The following SLC1A2 variants were observed in gnomAD, a reference collection of about 807,000 sequenced individuals.
The protein encoded by SLC1A2 is solute carrier family 1 member 2.
SLC1A2 carries 15 observed loss-of-function variants against 48.8 expected under a neutral mutation model. The ratio of observed to expected loss-of-function variants is 0.31; its 90% CI spans 0.21 to 0.47. SLC1A2 has a LOEUF of 0.47. SLC1A2 is among the 20% of genes least tolerant of loss of function. The probability of loss-of-function intolerance (pLI) is 0.99; values close to 1 mark genes in which losing one functional copy is unlikely to be tolerated. For synonymous variants in SLC1A2, 279 were observed against 272.6 expected (o/e 1.02, Z -0.23); for missense variants, 502 against 730.5 (o/e 0.69, Z 3.61).
intron 1 of SLC1A2, among the ~76,000 whole-genome samples, chr11:35,356,318 G>C (rs1195029298): frequency 2.0e-5 from 3 of 152,196 alleles, no homozygotes; most frequent in African/African-American, 7.2e-5. Flanking sequence ...GTGTGTGTTT[G>C]TTCTATAAAA....
chr11:35,303,549 G>A (rs1851415432), intron 5 of SLC1A2, among the ~76,000 whole-genome samples: 1 of 152,134 alleles, frequency 6.6e-6, no homozygotes, highest in East Asian at 1.9e-4. Flanking sequence ...TACGTGGGAG[G>A]TCAAAGAGAA....
At chr11:35,334,050 A>G (rs1852528221) in intron 1 of SLC1A2, among the ~76,000 whole-genome samples, 1 of 152,076 alleles carries the variant, frequency 6.6e-6, no homozygotes, top group Admixed American at 6.5e-5. Flanking sequence ...GGTTTTGTCC[A>G]CTTATAATTA....
intron 1 of SLC1A2, among the ~76,000 whole-genome samples, chr11:35,403,995 C>T (rs530413173): frequency 1.1e-5 from 1 of 92,068 alleles, no homozygotes; most frequent in Non-Finnish European, 2.5e-5. Context: ...GTCTCTGCTC[C>T]TCCACGGGCG....
intron 1 of SLC1A2, among the ~76,000 whole-genome samples, chr11:35,352,854 G>C (rs566906323): frequency 2.0e-5 from 3 of 152,300 alleles, no homozygotes; most frequent in African/African-American, 7.2e-5. Flanking sequence ...GGGGAGGTTT[G>C]AGCAGGAAGC....
intron 1 of SLC1A2, among the ~76,000 whole-genome samples, chr11:35,355,709 A>AC (rs1344740262): frequency 3.3e-5 from 5 of 151,924 alleles, no homozygotes; most frequent in Non-Finnish European, 7.4e-5. Context: ...ACATGGTGAA[A>AC]CCCCACCTCT....
Position 35,411,699 on chromosome 11 carries a change from A to T in SLC1A2, c.17+7251T>A, listed in dbSNP as rs1855465924. Among the ~76,000 whole-genome samples, 3 of 105,136 alleles carry T rather than the reference A, an allele frequency of 2.9e-5. No individual in the cohort carries two copies. The South Asian group carries it at 9.7e-4, about 34-fold the overall frequency. 69.0% of individuals were successfully genotyped at this position (105,136 alleles called of 152,430 possible). A position where few individuals can be genotyped will look rare whatever the true frequency, so the allele number is the denominator to read the frequency against. ...TTTCCATGATATCTAAGAGAGAAGA[A>T]TGATTTTCTTCTTTTCTCTGTTTTC... On this transcript the variant is annotated intron_variant, in intron 1 of 10. Transcript: ENST00000278379.
chr11:35,256,391 A>C lies in SLC1A2; in HGVS notation c.*4503T>G, dbSNP rs908833583. On this transcript the variant is annotated 3_prime_UTR_variant, in exon 11 of 11. Coordinates refer to ENST00000278379, the MANE Select transcript of SLC1A2 (RefSeq NM_004171.4). Reference sequence around the variant, plus strand: ...ATGATAGGAAAGGAAGAGGTGGAGTAGAAAATTTGGTTTTCTTTTAGGGAA... The same window carrying C: ...ATGATAGGAAAGGAAGAGGTGGAGTCGAAAATTTGGTTTTCTTTTAGGGAA... The C allele has an allele frequency of 6.6e-6, 1 of 152,506 alleles. No individual in the cohort carries two copies. Among genetic ancestry groups the C allele is most frequent in the Non-Finnish European group, 1.5e-5 (1 of 68,036 alleles). The allele number at this position is 152,506 out of a possible 1,614,324, so 9.4% of individuals were successfully genotyped here. A position where few individuals can be genotyped will look rare whatever the true frequency, so the allele number is the denominator to read the frequency against.
intron 1 of SLC1A2, among the ~76,000 whole-genome samples, chr11:35,386,091 G>A (rs539231103): frequency 1.3e-5 from 2 of 152,252 alleles, no homozygotes; most frequent in East Asian, 1.9e-4. Context: ...GGGTGAACCC[G>A]GGAGGCGGAG....
At position 35,380,298 on chromosome 11, in the gene SLC1A2, A is replaced by G. The variant is rs1854379758; in HGVS notation, c.17+38652T>C. The G allele has an allele frequency of 7.5e-6, 3 of 398,544 alleles. No individual in the cohort carries two copies. The East Asian group carries it at 1.1e-4, about 14-fold the overall frequency. The allele number at this position is 398,544 out of a possible 1,614,324, so 24.7% of individuals were successfully genotyped here. ...CTCTGGGTGGTTCGACTCCACCTAA[A>G]GATTCCATGGAAAAGGCCTTGGCTT... On this transcript the variant is annotated intron_variant, in intron 1 of 10. Transcript: ENST00000278379.
rs537093738 is a variant in SLC1A2, at chr11:35,406,426, T to C, written c.17+12524A>G. ...TAGGACTAGGAAAGAGAGACCTATT[T>C]TAGGTGGAATGGGAAGAGAAGGCCT... is the stretch of plus-strand genomic sequence containing the variant. On this transcript the variant is annotated intron_variant, in intron 1 of 10. Transcript: ENST00000278379. 2.0e-5 allele frequency among the ~76,000 whole-genome samples: 3 copies of C among 152,008 alleles called. No homozygotes were observed. In the South Asian group the frequency reaches 6.3e-4, roughly 32 times the overall value.
In SLC1A2 at chr11:35,343,816, ACAT is replaced by A. The variant is rs199548099; in HGVS notation, c.18-26303_18-26301del. ...GACACACACACAGAGGCACACACAC[ACAT>A]TTTTACACAGACACACACAGGCACA... On this transcript the variant is annotated intron_variant, in intron 1 of 10. Coordinates refer to ENST00000278379, the MANE Select transcript of SLC1A2 (RefSeq NM_004171.4). 6.1e-3 allele frequency among the ~76,000 whole-genome samples: 932 copies of A among 152,144 alleles called. 8 individuals are homozygous for A. The highest frequency in any genetic ancestry group is 0.021 in the African/African-American group (878 of 41,494).
intron 2 of SLC1A2, chr11:35,316,581 G>A (rs1022708738): frequency 6.6e-6 from 1 of 152,340 alleles, no homozygotes. Context: ...GCCATGGAAT[G>A]GAGGGGTTCA....
intron 9 of SLC1A2, among the ~76,000 whole-genome samples, chr11:35,270,060 T>C (rs1850236259): frequency 6.6e-6 from 1 of 152,196 alleles, no homozygotes; most frequent in African/African-American, 2.4e-5. Context: ...TGAGTCAAGA[T>C]TGTGCCATTG....
chr11:35,274,427 G>C (rs1449463883), intron 9 of SLC1A2, among the ~76,000 whole-genome samples: 1 of 152,180 alleles, frequency 6.6e-6, no homozygotes, highest in African/African-American at 2.4e-5. Context: ...GTAAAAAAGA[G>C]AATTCAGTGG....
At chr11:35,298,348 A>G (rs1851235354) in intron 6 of SLC1A2, 1 of 152,188 alleles carries the variant, frequency 6.6e-6, no homozygotes, top group South Asian at 2.1e-4. Context: ...AATAAAAAGA[A>G]TTATTATAAT....
intron 4 of SLC1A2, 164 bp downstream of exon 4, chr11:35,312,034 C>T (rs943528768): frequency 6.2e-6 from 4 of 640,492 alleles, no homozygotes; most frequent in Non-Finnish European, 1.1e-5. Context: ...ACTCCAATCC[C>T]AAGATCCTGC....
chr11:35,266,960 T>G (rs993640193), intron 9 of SLC1A2, among the ~76,000 whole-genome samples: 1 of 152,250 alleles, frequency 6.6e-6, no homozygotes. Flanking sequence ...TTGCAAGGTA[T>G]AAGCTGGTGG....
rs528857388 is a variant in SLC1A2 at position 35,348,062 on chromosome 11, C to T, written c.18-30546G>A. Among the ~76,000 whole-genome samples the T allele has an allele frequency of 5.3e-5, 8 of 152,178 alleles. 1 individual carries two copies. The South Asian group carries it at 1.0e-3, about 20-fold the overall frequency. On this transcript the variant is annotated intron_variant, in intron 1 of 10. Coordinates refer to ENST00000278379, the MANE Select transcript of SLC1A2 (RefSeq NM_004171.4). ...GGGCGGCACCTGGGTTGAATTCAGG[C>T]CTTTCTTATTCATGGAAAGTGCCCA... is the stretch of plus-strand genomic sequence containing the variant.
chr11:35,336,724 A>T (rs570852186), intron 1 of SLC1A2, among the ~76,000 whole-genome samples: 1 of 152,350 alleles, frequency 6.6e-6, no homozygotes, highest in African/African-American at 2.4e-5. Context: ...ACTATGCTCA[A>T]GTAACTAGGC....
Sources: gnomAD v4.1 joint callset for allele counts (sites outside exome capture counted in the v4.1 genomes callset) on GRCh38, gnomAD v4.1.1 for gene constraint, MANE v1.5 for transcripts, NCBI Gene and HGNC (gene_info 2026-07-23, HGNC 2026-07-21) for gene names.